The following FAM117B variants were observed in gnomAD, a reference collection of about 807,000 sequenced individuals.
FAM117B encodes family with sequence similarity 117 member B.
In FAM117B, 22 loss-of-function variants were observed where a neutral mutation model predicts 52.8. That is an observed-to-expected ratio of 0.42 (90% CI 0.30 to 0.59). The LOEUF (loss-of-function observed/expected upper bound fraction) is 0.59, where lower values mean the gene tolerates loss of function less well. Ranked by LOEUF, FAM117B falls within the 20% of genes least tolerant of loss-of-function variation. The probability of loss-of-function intolerance (pLI) is 0.22; values close to 1 mark genes in which losing one functional copy is unlikely to be tolerated. For missense variants in FAM117B, 678 were observed against 802.6 expected, an observed-to-expected ratio of 0.84 and a Z score of 1.88; for synonymous variants, 309 against 324.1, an observed-to-expected ratio of 0.95 and a Z score of 0.50.
At chr2:202,748,262 C>A (rs902532155) in intron 4 of FAM117B, among the ~76,000 whole-genome samples, 1 of 152,094 alleles carries the variant, frequency 6.6e-6, no homozygotes, top group African/African-American at 2.4e-5. Flanking sequence ...TTATCTCTTA[C>A]CACATATAAA....
At chr2:202,704,844 G>A (rs1017255474) in intron 2 of FAM117B, among the ~76,000 whole-genome samples, 7 of 151,742 alleles carry the variant, frequency 4.6e-5, no homozygotes, top group East Asian at 1.9e-4. Flanking sequence ...CAGGTAATCC[G>A]CCTGCCTCAG....
At chr2:202,674,045 G>A (rs747817295) in intron 1 of FAM117B, among the ~76,000 whole-genome samples, 2 of 151,920 alleles carry the variant, frequency 1.3e-5, no homozygotes, top group Non-Finnish European at 2.9e-5. Flanking sequence ...CCTCTGAAAT[G>A]TTCTTGTTTC....
Position 202,695,998 on chromosome 2 carries a change from A to C in FAM117B, c.719A>C (p.Gln240Pro), listed in dbSNP as rs938455009. 1 of 1,614,178 alleles carries C rather than the reference A, an allele frequency of 6.2e-7. No homozygotes were observed. Among genetic ancestry groups the C allele is most frequent in the Admixed American group, 1.7e-5 (1 of 60,014 alleles). ...AGHWPRDSHG[Q>P]AAPCMRDKAT... is the part of the protein sequence containing the mutation. The stretch of plus-strand genomic sequence containing the variant: ...CACTGGCCTCGGGATAGCCATGGGC[A>C]AGCTGCACCTTGCATGAGGGACAAA... The change falls in exon 2 of 8, where the codon CAA becomes CCA. Residue 240 changes from glutamine to proline, a missense_variant. By Grantham distance (76) the Gln-to-Pro change is moderately conservative (BLOSUM62 -1). Around this residue, in one of 3 missense-constraint regions of FAM117B, gnomAD observed 583 missense variants for 644.8 expected, o/e 0.90. Transcript: ENST00000392238.
chr2:202,646,672 C>T (rs755417110), intron 1 of FAM117B, among the ~76,000 whole-genome samples: 2 of 152,108 alleles, frequency 1.3e-5, no homozygotes, highest in Non-Finnish European at 2.9e-5. Context: ...CTTTTGAGTA[C>T]GAGTGGTTTC....
At chr2:202,741,567 T>TG (rs1691539942) in intron 4 of FAM117B, among the ~76,000 whole-genome samples, 1 of 150,144 alleles carries the variant, frequency 6.7e-6, no homozygotes, top group South Asian at 2.1e-4. Context: ...GACGGAGTCT[T>TG]GCTCTGTTGC....
intron 1 of FAM117B, among the ~76,000 whole-genome samples, chr2:202,679,051 A>G (rs1690424449): frequency 6.6e-6 from 1 of 152,212 alleles, no homozygotes; most frequent in South Asian, 2.1e-4. Flanking sequence ...TATCATAATA[A>G]TATGATACAT....
chr2:202,649,942 A>C (rs1689933148), intron 1 of FAM117B, among the ~76,000 whole-genome samples: 1 of 151,984 alleles, frequency 6.6e-6, no homozygotes, highest in African/African-American at 2.4e-5. Context: ...ATCTCAGCTC[A>C]CTGGAACCTT....
At chr2:202,672,867 G>C (rs1002879910) in intron 1 of FAM117B, among the ~76,000 whole-genome samples, 15 of 151,918 alleles carry the variant, frequency 9.9e-5, no homozygotes, top group Non-Finnish European at 1.8e-4. Context: ...GCAAGGCTTT[G>C]TCTCTACAAA....
At chr2:202,684,700 C>T (rs547436023) in intron 1 of FAM117B, among the ~76,000 whole-genome samples, 1 of 151,996 alleles carries the variant, frequency 6.6e-6, no homozygotes, top group Non-Finnish European at 1.5e-5. Flanking sequence ...GTGCTGTTGC[C>T]TATGAGTTTA....
chr2:202,763,339 T>G (rs917801527), intron 7 of FAM117B, among the ~76,000 whole-genome samples: 3 of 152,154 alleles, frequency 2.0e-5, no homozygotes, highest in Non-Finnish European at 4.4e-5. Context: ...CCCAAAGTGC[T>G]GGGATTACAA....
Position 202,757,277 on chromosome 2 carries a change from G to A in FAM117B, c.1169G>A (p.Arg390His), listed in dbSNP as rs1354010227. 6 of 1,614,044 alleles carry A rather than the reference G, an allele frequency of 3.7e-6. No individual in the cohort carries two copies. Among genetic ancestry groups the A allele is most frequent in the Middle Eastern group, 1.6e-4 (1 of 6,062 alleles). The change falls in exon 6 of 8, where the codon CGC (arginine) becomes CAC (histidine). Residue 390 changes from arginine to histidine, a missense_variant. Physicochemically the swap from Arg to His is conservative, Grantham distance 29 (BLOSUM62 0). Transcript: ENST00000392238. ...PPLVQRSSSTRSIDTQTPGGA... is the reference protein window; with the variant it reads ...PPLVQRSSSTHSIDTQTPGGA... ...CTTGTACAGAGAAGTAGCAGCACGCGCAGCATTGACACACAGACGCCTGGT... is the reference window on the plus strand; with the variant it reads ...CTTGTACAGAGAAGTAGCAGCACGCACAGCATTGACACACAGACGCCTGGT...
intron 1 of FAM117B, among the ~76,000 whole-genome samples, chr2:202,654,062 T>TGAGTGAGAGAGAGAGA (rs780028124): frequency 1.4e-4 from 19 of 134,856 alleles, no homozygotes; most frequent in African/African-American, 4.9e-4. Flanking sequence ...AGAGAGTGAG[T>TGAGTGAGAGAGAGAGA]GAGAGAGAGA....
Position 202,645,533 on chromosome 2 carries a change from C to T in FAM117B, c.601+9745C>T, listed in dbSNP as rs568210068. 2.2e-3 allele frequency among the ~76,000 whole-genome samples: 324 copies of T among 148,314 alleles called. 3 individuals are homozygous for T. Among genetic ancestry groups the T allele is most frequent in the African/African-American group, 7.6e-3 (304 of 40,052 alleles). ...CTTGATCTCCTGACCTCGTGATCTG[C>T]CCGCCTCGGCCTCCCAAAGTGCTGG... On this transcript the variant is annotated intron_variant, in intron 1 of 7. Transcript: ENST00000392238.
intron 4 of FAM117B, among the ~76,000 whole-genome samples, chr2:202,732,842 A>G (rs1691377647): frequency 6.7e-6 from 1 of 148,458 alleles, no homozygotes; most frequent in South Asian, 2.1e-4. Context: ...AAATAAATAA[A>G]TAAATAAATA....
At chr2:202,714,143 G>C (rs1317146079) in intron 2 of FAM117B, among the ~76,000 whole-genome samples, 1 of 151,886 alleles carries the variant, frequency 6.6e-6, no homozygotes, top group East Asian at 1.9e-4. Context: ...TTGATATCTA[G>C]TTTTATTCCA....
rs138908155 is a variant in FAM117B at position 202,659,303 on chromosome 2, G to A, written c.601+23515G>A. Among the ~76,000 whole-genome samples the A allele has an allele frequency of 4.4e-4, 66 of 151,564 alleles. 1 individual carries two copies. Among genetic ancestry groups the A allele is most frequent in the African/African-American group, 8.7e-4 (36 of 41,328 alleles). ...TTACAGGCGTGAGCCACCACGCCTG[G>A]CCTTTTTGGTTTTTTGTTTCTTTTG... On this transcript the variant is annotated intron_variant, in intron 1 of 7. Transcript: ENST00000392238.
intron 2 of FAM117B, among the ~76,000 whole-genome samples, chr2:202,721,176 G>A (rs1419185956): frequency 2.6e-5 from 4 of 151,906 alleles, no homozygotes; most frequent in African/African-American, 9.7e-5. Flanking sequence ...ACCTCTATAA[G>A]CTCTGAATTA....
At chr2:202,714,139 T>A (rs565671050) in intron 2 of FAM117B, among the ~76,000 whole-genome samples, 12 of 152,344 alleles carry the variant, frequency 7.9e-5, no homozygotes, top group South Asian at 4.1e-4. Flanking sequence ...ATTATTGATA[T>A]CTAGTTTTAT....
At chr2:202,691,696 TGTGC>T (rs1395731578) in intron 1 of FAM117B, among the ~76,000 whole-genome samples, 1,371 of 129,322 alleles carry the variant, frequency 0.011, 9 homozygotes, top group African/African-American at 0.026. Context: ...TGTGTGTGTG[TGTGC>T]GCGCGCGCCT....
Sources: allele counts gnomAD v4.1 joint callset (sites outside exome capture counted in the v4.1 genomes callset), GRCh38; gene constraint gnomAD v4.1.1; regional missense constraint gnomAD v4.1.1; transcripts MANE v1.5; gene names NCBI Gene and HGNC (gene_info 2026-07-23, HGNC 2026-07-21).